Variants in PRMT9 observed in about 807,000 individuals in gnomAD.
PRMT9 encodes the protein protein arginine methyltransferase 9, also known as protein arginine N-methyltransferase 9.
Under a neutral mutation model 83.2 loss-of-function variants are expected in PRMT9, and 59 were observed. The observed-to-expected ratio is 0.71, with a 90% CI of 0.57 to 0.88. The LOEUF is 0.88. Ranked by LOEUF, PRMT9 falls within the 40% of genes least tolerant of loss-of-function variation. The pLI is 0.00. For missense variants in PRMT9, 947 were observed against 1,021.9 expected (o/e 0.93, Z 1.00); for synonymous variants, 333 against 353.2 (o/e 0.94, Z 0.64).
In PRMT9 at chr4:147,642,886, C is replaced by T; in HGVS notation, c.2100G>A (p.Gly700=). 6.2e-7 allele frequency: 1 copy of T among 1,614,018 alleles called. No homozygotes were observed. Among genetic ancestry groups the T allele is most frequent in the Non-Finnish European group, 8.5e-7 (1 of 1,179,886 alleles). ...KIFPQYVLMF[G]LLVESQTLLE... ...GGAGTGTCTGTGATTCCACAAGCAA[C>T]CCAAACATCAGCACATACTGAGGAA... The change falls in exon 10 of 12, where the codon GGG becomes GGA. Residue 700 remains glycine, a synonymous_variant. Transcript: ENST00000322396.
At chr4:147,658,063 C>G in intron 7 of PRMT9, 88 bp from the exon 8 acceptor site, 2 of 910,176 alleles carry the variant, frequency 2.2e-6, no homozygotes, top group Non-Finnish European at 3.5e-6. Flanking sequence ...CTCTGGAGTT[C>G]TTAGTCCTGC....
Position 147,657,838 on chromosome 4 carries a change from C to T in PRMT9, c.1284G>A (p.Glu428=). ...DEHSLSTSPS[E]ETCWEQAVYP... The stretch of plus-strand genomic sequence containing the variant: ...AGACAGCCTGTTCCCAACATGTTTC[C>T]TCACTAGGACTTGTGGATAAACTAT... Residue 428 remains glutamate (E), a synonymous_variant, in exon 8 of 12, where the codon GAG becomes GAA. Transcript: ENST00000322396. 6.2e-7 allele frequency: 1 copy of T among 1,611,558 alleles called. No individual in the cohort carries two copies. The highest frequency in any genetic ancestry group is 2.2e-5 in the East Asian group (1 of 44,766).
At chr4:147,661,076 G>A (rs754566826) in intron 6 of PRMT9, 38 bp from the exon 7 acceptor site, 1 of 1,346,498 alleles carries the variant, frequency 7.4e-7, no homozygotes, top group Non-Finnish European at 1.1e-6. Flanking sequence ...TAGGAAGATG[G>A]ATTTTTTTAG....
chr4:147,673,264 A>G, intron 3 of PRMT9, 138 bp from the exon 4 acceptor site: 1 of 737,224 alleles, frequency 1.4e-6, no homozygotes, highest in Non-Finnish European at 2.3e-6. Flanking sequence ...GCATTAAAAA[A>G]TAAACTAATA....
chr4:147,661,047 A>G lies in PRMT9; in HGVS notation c.954-9T>C. ...TGTCCTTAATACCCACTCTGGAGAG[A>G]GAGAAAATAGGGGAGGGGTAGGAAG... On this transcript the variant is annotated splice_polypyrimidine_tract_variant and intron_variant, in intron 6 of 11. Transcript: ENST00000322396. 5 of 1,582,734 alleles carry G rather than the reference A, an allele frequency of 3.2e-6. No individual in the cohort carries two copies. Among genetic ancestry groups the G allele is most frequent in the Non-Finnish European group, 4.3e-6 (5 of 1,151,688 alleles).
At chr4:147,671,061 G>A (rs547838390) in intron 4 of PRMT9, among the ~76,000 whole-genome samples, 2 of 151,980 alleles carry the variant, frequency 1.3e-5, no homozygotes, top group Non-Finnish European at 2.9e-5. Context: ...CTTTAAGAGT[G>A]GTTCACACCC....
Position 147,638,665 on chromosome 4 carries a change from G to A in PRMT9, c.2405C>T (p.Thr802Ile). 1 of 1,613,528 alleles carries A rather than the reference G, an allele frequency of 6.2e-7. No individual in the cohort carries two copies. The change falls in exon 12 of 12, where the codon ACT (threonine) becomes ATT (isoleucine). Residue 802 changes from threonine to isoleucine, a missense_variant. Coordinates refer to ENST00000322396, the MANE Select transcript of PRMT9 (RefSeq NM_138364.4). ...MYLDEEIRLD[T>I]SSEASHWKQA... Reference sequence around the variant, plus strand: ...TTTCCAGTGGGAGGCTTCACTTGAAGTATCCAACCTAATCTCTTCATCAAG... The same window carrying A: ...TTTCCAGTGGGAGGCTTCACTTGAAATATCCAACCTAATCTCTTCATCAAG...
intron 1 of PRMT9, among the ~76,000 whole-genome samples, chr4:147,682,563 G>A (rs542287456): frequency 3.3e-5 from 5 of 152,244 alleles, no homozygotes; most frequent in South Asian, 2.1e-4. Context: ...ACCCGCCTCC[G>A]CCTCCCAAAG....
intron 9 of PRMT9, among the ~76,000 whole-genome samples, chr4:147,644,807 G>C (rs1733630589): frequency 6.6e-6 from 1 of 152,184 alleles, no homozygotes; most frequent in Admixed American, 6.5e-5. Flanking sequence ...TATGTGCTAT[G>C]TGTGAAGGGA....
chr4:147,657,796 A>G lies in PRMT9; in HGVS notation c.1326T>C (p.Leu442=). 6.2e-7 allele frequency: 1 copy of G among 1,611,904 alleles called. No individual in the cohort carries two copies. The highest frequency in any genetic ancestry group is 1.1e-5 in the South Asian group (1 of 90,934). The change falls in exon 8 of 12, where the codon CTT becomes CTC. Residue 442 remains leucine (L), a synonymous_variant. Transcript: ENST00000322396. ...AAAAAAATGGACAAGACCTACCTGCAAGGTCCTGTACGGGGTAGACAGCCT... is the reference window on the plus strand; with the variant it reads ...AAAAAAATGGACAAGACCTACCTGCGAGGTCCTGTACGGGGTAGACAGCCT... ...WEQAVYPVQD[L]ADYWIKPGDH...
rs1342708064 is a variant in PRMT9, at chr4:147,683,989, G to A, written c.-2C>T. 1.2e-6 allele frequency: 2 copies of A among 1,612,484 alleles called. No individual in the cohort carries two copies. Among genetic ancestry groups the A allele is most frequent in the African/African-American group, 1.3e-5 (1 of 74,914 alleles). On this transcript the variant is annotated 5_prime_UTR_variant, in exon 1 of 12. Coordinates refer to ENST00000322396, the MANE Select transcript of PRMT9 (RefSeq NM_138364.4). ...GGACCTGGGCCGCGAGTTCGACATG[G>A]CAGTCACCACTTGTATGGCCAAAGG...
Position 147,640,090 on chromosome 4 carries a change from TA to T in PRMT9, c.2200-1009del, listed in dbSNP as rs1354953575. Among the ~76,000 whole-genome samples the T allele has an allele frequency of 3.4e-3, 197 of 57,808 alleles. 65 individuals carry two copies. Among genetic ancestry groups the T allele is most frequent in the East Asian group, 0.024 (39 of 1,646 alleles). The allele number at this position is 57,808 out of a possible 152,430, so 37.9% of individuals were successfully genotyped here. Reference sequence around the variant, plus strand: ...TTTTTTTTTTTTTTTTTTTTTTTTTTAATATAGGGTCTCACTCTGTTCCCCA... The same window carrying T: ...TTTTTTTTTTTTTTTTTTTTTTTTTTATATAGGGTCTCACTCTGTTCCCCA... On this transcript the variant is annotated intron_variant, in intron 10 of 11. Coordinates refer to ENST00000322396, the MANE Select transcript of PRMT9 (RefSeq NM_138364.4).
At chr4:147,639,490 C>T (rs564285344) in intron 10 of PRMT9, among the ~76,000 whole-genome samples, 1 of 152,160 alleles carries the variant, frequency 6.6e-6, no homozygotes, top group Admixed American at 6.6e-5. Context: ...CAGATTCAAT[C>T]AAACAATAGT....
chr4:147,651,165 C>T (rs1224823803), intron 9 of PRMT9, among the ~76,000 whole-genome samples: 5 of 151,496 alleles, frequency 3.3e-5, no homozygotes, highest in African/African-American at 7.3e-5. Flanking sequence ...AAAACATATC[C>T]GAAATATGTT....
Position 147,638,501 on chromosome 4 carries a change from A to G in PRMT9, c.*31T>C. Reference sequence around the variant, plus strand: ...AGAATTTTGTACTTGTTGATGCTCTATTTACACAGTTTTCATTGGAAAACT... The same window carrying G: ...AGAATTTTGTACTTGTTGATGCTCTGTTTACACAGTTTTCATTGGAAAACT... On this transcript the variant is annotated 3_prime_UTR_variant, in exon 12 of 12. Transcript: ENST00000322396. The G allele has an allele frequency of 6.4e-7, 1 of 1,555,948 alleles. No individual in the cohort carries two copies. Among genetic ancestry groups the G allele is most frequent in the Non-Finnish European group, 8.9e-7 (1 of 1,127,812 alleles).
chr4:147,661,063 G>A (rs750331603), intron 6 of PRMT9, 25 bp from the exon 7 acceptor site: 1 of 1,511,510 alleles, frequency 6.6e-7, no homozygotes, highest in East Asian at 2.3e-5. Context: ...AATAGGGGAG[G>A]GGTAGGAAGA....
At chr4:147,669,266 A>G (rs956665400) in intron 5 of PRMT9, among the ~76,000 whole-genome samples, 1 of 151,692 alleles carries the variant, frequency 6.6e-6, no homozygotes, top group Non-Finnish European at 1.5e-5. Context: ...GTGTGGTGAC[A>G]TTGCGAGGCT....
intron 2 of PRMT9, among the ~76,000 whole-genome samples, chr4:147,675,095 C>T (rs1735981633): frequency 1.3e-5 from 2 of 152,138 alleles, no homozygotes; most frequent in South Asian, 2.1e-4. Flanking sequence ...ATTCTCCTGC[C>T]TCAGCCTCCC....
rs774326881 is a variant in PRMT9, at chr4:147,670,761, A to G, written c.744-18T>C. ...GGGACACTCTATAGAATGATTTTTT[A>G]AAGATATATGTAAGTAAAATATCAT... On this transcript the variant is annotated intron_variant, in intron 4 of 11. Coordinates refer to ENST00000322396, the MANE Select transcript of PRMT9 (RefSeq NM_138364.4). 2.7e-6 allele frequency: 4 copies of G among 1,487,710 alleles called. No individual in the cohort carries two copies. The African/African-American group carries it at 5.5e-5, about 21-fold the overall frequency. The allele number at this position is 1,487,710 out of a possible 1,614,324, so 92.2% of individuals were successfully genotyped here. A position where few individuals can be genotyped will look rare whatever the true frequency, so the allele number is the denominator to read the frequency against.
Sources: gnomAD v4.1 joint callset for allele counts (sites outside exome capture counted in the v4.1 genomes callset) on GRCh38, gnomAD v4.1.1 for gene constraint, MANE v1.5 for transcripts, NCBI Gene and HGNC (gene_info 2026-07-23, HGNC 2026-07-21) for gene names.